Variants in NSRP1 observed in about 807,000 individuals in gnomAD.
NSRP1 encodes coiled-coil domain containing 55.
A neutral mutation model predicts 54.7 loss-of-function variants in NSRP1; 24 were observed. The observed-to-expected ratio is 0.44, with a 90% CI of 0.32 to 0.62. The LOEUF (loss-of-function observed/expected upper bound fraction) is 0.62, where lower values mean the gene tolerates loss of function less well. Among genes scored for constraint, NSRP1 ranks in the 20% least tolerant of loss-of-function variants. NSRP1 has a pLI of 0.06. For synonymous variants in NSRP1, 210 were observed against 213.8 expected (o/e 0.98, Z 0.15); for missense variants, 596 against 651.2 (o/e 0.92, Z 0.92).
At chr17:30,180,859 G>A in intron 5 of NSRP1, 49 bp from the exon 6 acceptor site, 1 of 1,133,128 alleles carries the variant, frequency 8.8e-7, no homozygotes, top group Non-Finnish European at 1.3e-6. Context: ...AAATGAAACT[G>A]CACTGTGCCT....
At chr17:30,141,021 G>A (rs1310246190) in intron 2 of NSRP1, among the ~76,000 whole-genome samples, 1 of 152,098 alleles carries the variant, frequency 6.6e-6, no homozygotes, top group Non-Finnish European at 1.5e-5. Context: ...AGGTCTTGCT[G>A]TGTTGTCCAG....
intron 2 of NSRP1, among the ~76,000 whole-genome samples, chr17:30,153,994 G>C (rs2071937578): frequency 6.6e-6 from 1 of 152,078 alleles, no homozygotes; most frequent in African/African-American, 2.4e-5. Flanking sequence ...GGATTGTTAT[G>C]GTTGTTTTTT....
At chr17:30,156,745 C>T (rs1474156029) in intron 2 of NSRP1, 1 of 152,218 alleles carries the variant, frequency 6.6e-6, no homozygotes, top group Non-Finnish European at 1.5e-5. Flanking sequence ...TCTCGAACTC[C>T]CGACCTCACG....
chr17:30,171,934 TCACACACACACACACACA>T (rs746244255), intron 2 of NSRP1, among the ~76,000 whole-genome samples: 6 of 113,346 alleles, frequency 5.3e-5, no homozygotes, highest in Non-Finnish European at 1.0e-4. Flanking sequence ...TCCCCATTTC[TCACACACACACACACACA>T]CACACACACA....
In NSRP1 at chr17:30,182,795, G is replaced by A. The variant is rs552507545; in HGVS notation, c.617+1779G>A. Among the ~76,000 whole-genome samples, 197 of 151,862 alleles carry A rather than the reference G, an allele frequency of 1.3e-3. 6 individuals are homozygous for A. The South Asian group carries it at 0.036, about 27-fold the overall frequency. On this transcript the variant is annotated intron_variant, in intron 6 of 6. Transcript: ENST00000247026. ...TAAAAATACAAAAAATTAGCCAGGC[G>A]TGGTGGCGGGCGCCTGTTGTCCCAG...
chr17:30,168,578 ATAATAATAATAATAG>A (rs1254579868), intron 2 of NSRP1, among the ~76,000 whole-genome samples: 1 of 147,736 alleles, frequency 6.8e-6, no homozygotes, highest in African/African-American at 2.5e-5. Flanking sequence ...TTAAAGTATA[ATAATAATAATAATAG>A]TAATAATAAT....
chr17:30,122,004 T>C (rs2071602193), intron 2 of NSRP1, among the ~76,000 whole-genome samples: 1 of 152,108 alleles, frequency 6.6e-6, no homozygotes, highest in Admixed American at 6.6e-5. Context: ...CTAATTTACT[T>C]TCTGTTTCTA....
intron 2 of NSRP1, among the ~76,000 whole-genome samples, chr17:30,161,163 G>T (rs1304439051): frequency 6.6e-6 from 1 of 152,158 alleles, no homozygotes; most frequent in Non-Finnish European, 1.5e-5. Context: ...CTGGGTTTTG[G>T]CTATTACAAC....
In NSRP1 at chr17:30,177,932, A is replaced by G. The variant is rs777009304; in HGVS notation, c.172-139A>G. 5.6e-5 allele frequency: 58 copies of G among 1,029,808 alleles called. No individual in the cohort carries two copies. In the South Asian group the frequency reaches 6.0e-4, roughly 11 times the overall value. 63.8% of individuals were successfully genotyped at this position (1,029,808 alleles called of 1,614,324 possible). On this transcript the variant is annotated intron_variant, in intron 3 of 6. Transcript: ENST00000247026. ...CCCAGGCAGCCTGGCTCCAGAGTTTATTTGTATTTCCTATCTAAAAATGTG... is the reference window on the plus strand; with the variant it reads ...CCCAGGCAGCCTGGCTCCAGAGTTTGTTTGTATTTCCTATCTAAAAATGTG...
chr17:30,149,696 C>T (rs555882369), intron 2 of NSRP1, among the ~76,000 whole-genome samples: 130 of 151,958 alleles, frequency 8.6e-4, no homozygotes, highest in Non-Finnish European at 1.7e-3. Flanking sequence ...GTTAGGCATG[C>T]TTGTGGCACA....
At chr17:30,174,555 C>A (rs1444462594) in intron 3 of NSRP1, among the ~76,000 whole-genome samples, 2 of 152,168 alleles carry the variant, frequency 1.3e-5, no homozygotes, top group Non-Finnish European at 2.9e-5. Context: ...ACATTATTGT[C>A]ATATTCCGTT....
intron 6 of NSRP1, among the ~76,000 whole-genome samples, chr17:30,184,069 G>A (rs960204774): frequency 6.6e-6 from 1 of 152,154 alleles, no homozygotes; most frequent in Admixed American, 6.5e-5. Context: ...GGGCATGGTG[G>A]TGCAGGCCTG....
intron 2 of NSRP1, among the ~76,000 whole-genome samples, chr17:30,139,941 G>A (rs1451469143): frequency 4.6e-5 from 7 of 152,128 alleles, no homozygotes; most frequent in Non-Finnish European, 8.8e-5. Context: ...GGAGAATGGG[G>A]TGAACCCGGG....
In NSRP1 at chr17:30,116,874, C is replaced by A; in HGVS notation, c.20+11C>A. On this transcript the variant is annotated intron_variant, in intron 1 of 6. Transcript: ENST00000247026. ...GATTCCGGGCAGGCAGTGAGTGATC[C>A]GGGAGTTAGGGTCAGGCTGGGGGAT... is the stretch of plus-strand genomic sequence containing the variant. The A allele has an allele frequency of 2.5e-6, 4 of 1,571,736 alleles. No individual in the cohort carries two copies. The highest frequency in any genetic ancestry group is 2.6e-6 in the Non-Finnish European group (3 of 1,158,034).
intron 6 of NSRP1, among the ~76,000 whole-genome samples, chr17:30,182,097 T>C (rs1251290905): frequency 6.7e-6 from 1 of 148,382 alleles, no homozygotes; most frequent in Non-Finnish European, 1.5e-5. Context: ...GTATTCCTCA[T>C]GATCCTTAAA....
intron 2 of NSRP1, among the ~76,000 whole-genome samples, chr17:30,143,268 T>C (rs191493218): frequency 8.8e-4 from 134 of 152,344 alleles, no homozygotes; most frequent in African/African-American, 3.1e-3. Context: ...CAAATCACTT[T>C]CTGAAACAAA....
intron 2 of NSRP1, among the ~76,000 whole-genome samples, chr17:30,161,705 C>G (rs1228970472): frequency 6.6e-6 from 1 of 152,148 alleles, no homozygotes; most frequent in East Asian, 1.9e-4. Flanking sequence ...ATGATACATT[C>G]AGATCCTTTT....
intron 2 of NSRP1, among the ~76,000 whole-genome samples, chr17:30,162,701 T>C (rs1904563706): frequency 6.6e-6 from 1 of 152,170 alleles, no homozygotes; most frequent in Non-Finnish European, 1.5e-5. Flanking sequence ...AGTTATGGAA[T>C]AATTATTTCT....
chr17:30,148,800 T>TAG (rs1346577466), intron 2 of NSRP1, among the ~76,000 whole-genome samples: 7 of 152,226 alleles, frequency 4.6e-5, no homozygotes, highest in Non-Finnish European at 8.8e-5. Flanking sequence ...GGTTTTCAGA[T>TAG]TTAATTGTTC....
Sources: allele counts gnomAD v4.1 joint callset (sites outside exome capture counted in the v4.1 genomes callset), GRCh38; gene constraint gnomAD v4.1.1; transcripts MANE v1.5; gene names NCBI Gene and HGNC (gene_info 2026-07-23, HGNC 2026-07-21).